The following MYLK4 variants were observed in gnomAD, a reference collection of about 807,000 sequenced individuals.
MYLK4 encodes the protein caMLCK like.
Under a neutral mutation model 48.1 loss-of-function variants are expected in MYLK4, and 46 were observed. The ratio of observed to expected loss-of-function variants is 0.96; its 90% CI spans 0.75 to 1.22. The LOEUF is 1.22. Ranked by LOEUF, MYLK4 falls within the 50% of genes most tolerant of loss-of-function variation. The pLI, the probability that MYLK4 is intolerant of heterozygous loss-of-function variation, is 0.00. For synonymous variants in MYLK4, 170 were observed against 180.8 expected (o/e 0.94, Z 0.48); for missense variants, 451 against 486.1 (o/e 0.93, Z 0.68).
chr6:2,716,820 T>C (rs1483412122), intron 2 of MYLK4, among the ~76,000 whole-genome samples: 1 of 152,226 alleles, frequency 6.6e-6, no homozygotes, highest in Non-Finnish European at 1.5e-5. Context: ...AGAGTTTTTA[T>C]GAATATAAAA....
In MYLK4 at chr6:2,685,670, T is replaced by C. The variant is rs10498657; in HGVS notation, c.342-94A>G. Reference sequence around the variant, plus strand: ...GCCCCAGTATTTCTCCTGCTGAGTCTGGATGAGCAGCCCTCTGAGGAGTTC... The same window carrying C: ...GCCCCAGTATTTCTCCTGCTGAGTCCGGATGAGCAGCCCTCTGAGGAGTTC... On this transcript the variant is annotated intron_variant, in intron 4 of 12. Coordinates refer to ENST00000274643, the MANE Select transcript of MYLK4 (RefSeq NM_001012418.5). This position sits in a 1 kb window ranked among gnomAD's most constrained non-coding sequence, Gnocchi z 4.5. 0.3 allele frequency: 334,736 copies of C among 1,106,904 alleles called. 52,991 individuals carry two copies. The highest frequency in any genetic ancestry group is 0.44 in the East Asian group (18,750 of 42,412). The allele number at this position is 1,106,904 out of a possible 1,614,324, so 68.6% of individuals were successfully genotyped here.
At chr6:2,746,169 A>C (rs776491768) in intron 2 of MYLK4, among the ~76,000 whole-genome samples, 95 of 152,088 alleles carry the variant, frequency 6.2e-4, no homozygotes, top group South Asian at 1.9e-3. Flanking sequence ...CAGGAGGCTA[A>C]GGCAGGAGAA....
chr6:2,713,941 AC>A (rs1374497727), intron 2 of MYLK4, among the ~76,000 whole-genome samples: 2 of 152,238 alleles, frequency 1.3e-5, no homozygotes, highest in Admixed American at 1.3e-4. Flanking sequence ...ACAAGCCCAA[AC>A]CACAATGAGA....
chr6:2,688,792 A>C (rs1047964220), intron 4 of MYLK4, 59 bp downstream of exon 4: 46 of 1,339,190 alleles, frequency 3.4e-5, no homozygotes, highest in Admixed American at 1.2e-4. Flanking sequence ...GACATTTACG[A>C]AGTCATTTGC....
intron 2 of MYLK4, among the ~76,000 whole-genome samples, chr6:2,693,997 G>C (rs1761918959): frequency 6.6e-6 from 1 of 152,132 alleles, no homozygotes; most frequent in Non-Finnish European, 1.5e-5. Context: ...GACCTCAGTT[G>C]ATCCGCCTGC....
rs1048237401 is a variant in MYLK4, at chr6:2,664,040, A to G, written c.*3885T>C. On this transcript the variant is annotated 3_prime_UTR_variant, in exon 13 of 13. Transcript: ENST00000274643. ...GAAATATAGAACACTTCTAACTGAG[A>G]AACTGCAGACTCCAAGCTATGTGAG... The G allele has an allele frequency of 2.0e-5, 3 of 152,254 alleles. No homozygotes were observed. The highest frequency in any genetic ancestry group is 4.4e-5 in the Non-Finnish European group (3 of 68,060). 9.4% of individuals were successfully genotyped at this position (152,254 alleles called of 1,614,324 possible).
chr6:2,758,770 T>G, the MYLK4 span, among the ~76,000 whole-genome samples: 1,542 of 152,342 alleles, frequency 0.01, 24 homozygotes, highest in African/African-American at 0.035. Context: ...CAGTTAAAAC[T>G]GTCTGTAACC....
At chr6:2,702,492 G>C (rs1390740024) in intron 2 of MYLK4, among the ~76,000 whole-genome samples, 1 of 152,178 alleles carries the variant, frequency 6.6e-6, no homozygotes, top group Non-Finnish European at 1.5e-5. Flanking sequence ...GAAGGGTGGG[G>C]TGGGGAAGGA....
chr6:2,663,875 C>CAT lies in MYLK4; in HGVS notation c.*4048_*4049dup, dbSNP rs1350577424. 1 of 152,496 alleles carries CAT rather than the reference C, an allele frequency of 6.6e-6. No homozygotes were observed. Among genetic ancestry groups the CAT allele is most frequent in the Non-Finnish European group, 1.5e-5 (1 of 68,036 alleles). 9.4% of individuals were successfully genotyped at this position (152,496 alleles called of 1,614,324 possible). A position where few individuals can be genotyped will look rare whatever the true frequency, so the allele number is the denominator to read the frequency against. ...CGACAGCAAAATACACATTAGGTAA[C>CAT]ATATGAACGCTCACACAGCAGATGC... On this transcript the variant is annotated 3_prime_UTR_variant, in exon 13 of 13. Transcript: ENST00000274643.
rs75031291 is a variant in MYLK4 at position 2,731,753 on chromosome 6, A to C, written c.159+17383T>G. The stretch of plus-strand genomic sequence containing the variant: ...CACCCACCCGTTGGGTGCTTAATGA[A>C]TACTGGTAAAATGAATCAATGCTAT... On this transcript the variant is annotated intron_variant, in intron 2 of 12. Coordinates refer to ENST00000274643, the MANE Select transcript of MYLK4 (RefSeq NM_001012418.5). Among the ~76,000 whole-genome samples, 101 of 152,314 alleles carry C rather than the reference A, an allele frequency of 6.6e-4. No individual in the cohort carries two copies. The East Asian group carries it at 0.019, about 29-fold the overall frequency.
chr6:2,733,499 C>T (rs182341077), intron 2 of MYLK4, among the ~76,000 whole-genome samples: 16 of 152,250 alleles, frequency 1.1e-4, no homozygotes, highest in Admixed American at 9.2e-4. Flanking sequence ...GAGGAACCAC[C>T]GAGGAGGTGT....
intron 2 of MYLK4, among the ~76,000 whole-genome samples, chr6:2,708,027 A>G (rs767101202): frequency 1.9e-4 from 29 of 152,218 alleles, no homozygotes; most frequent in Non-Finnish European, 2.9e-4. Flanking sequence ...GGATGATTTA[A>G]TATCTTTATT....
intron 6 of MYLK4, 137 bp from the exon 7 acceptor site, chr6:2,683,299 T>C (rs1236330894): frequency 6.9e-6 from 6 of 869,116 alleles, no homozygotes; most frequent in Non-Finnish European, 1.1e-5. Context: ...CCTTCTTTAC[T>C]ATCTTACTTA....
chr6:2,756,015 T>C, the MYLK4 span, among the ~76,000 whole-genome samples: 1 of 152,244 alleles, frequency 6.6e-6, no homozygotes, highest in Non-Finnish European at 1.5e-5. Flanking sequence ...AATGTAAAAC[T>C]AACCCTTTTA....
Position 2,726,450 on chromosome 6 carries a change from C to CA in MYLK4, c.159+22685dup, listed in dbSNP as rs1390691890. Among the ~76,000 whole-genome samples the CA allele has an allele frequency of 3.3e-5, 5 of 152,182 alleles. No homozygotes were observed. The East Asian group carries it at 9.7e-4, about 29-fold the overall frequency. On this transcript the variant is annotated intron_variant, in intron 2 of 12. Coordinates refer to ENST00000274643, the MANE Select transcript of MYLK4 (RefSeq NM_001012418.5). ...GCTGCTTCCGTAAATTGCATCCTTT[C>CA]AGTCACTGAGAAAATTACTCACTCC...
At chr6:2,706,629 C>A (rs1762498719) in intron 2 of MYLK4, among the ~76,000 whole-genome samples, 1 of 152,218 alleles carries the variant, frequency 6.6e-6, no homozygotes, top group African/African-American at 2.4e-5. Context: ...GACTACACAG[C>A]GTGTGGGAGC....
chr6:2,761,677 T>C, the MYLK4 span, among the ~76,000 whole-genome samples: 1 of 152,206 alleles, frequency 6.6e-6, no homozygotes, highest in East Asian at 1.9e-4. Flanking sequence ...TTATGTAGCT[T>C]GCCCAAGGTC....
intron 2 of MYLK4, among the ~76,000 whole-genome samples, chr6:2,721,501 G>A (rs1393750876): frequency 6.6e-6 from 1 of 151,728 alleles, no homozygotes; most frequent in African/African-American, 2.4e-5. Flanking sequence ...CAACTGGATG[G>A]TTTAACACAC....
chr6:2,719,648 A>T (rs1762997161), intron 2 of MYLK4, among the ~76,000 whole-genome samples: 1 of 152,350 alleles, frequency 6.6e-6, no homozygotes, highest in South Asian at 2.1e-4. Context: ...TATTTTCATT[A>T]GCGTAAACCC....
Sources: allele counts gnomAD v4.1 joint callset (sites outside exome capture counted in the v4.1 genomes callset), GRCh38; gene constraint gnomAD v4.1.1; non-coding constraint Gnocchi (gnomAD v3.1); transcripts MANE v1.5; gene names NCBI Gene and HGNC (gene_info 2026-07-23, HGNC 2026-07-21).